CSMD3: variants seen among roughly 807,000 people sequenced by gnomAD.
The protein encoded by CSMD3 is CUB and Sushi multiple domains 3.
Under a neutral mutation model 435.2 loss-of-function variants are expected in CSMD3, and 177 were observed. The observed-to-expected ratio is 0.41, with a 90% CI of 0.36 to 0.46. CSMD3 has a LOEUF of 0.46. Ranked by LOEUF, CSMD3 falls within the 20% of genes least tolerant of loss-of-function variation. The probability of loss-of-function intolerance (pLI) is 0.34; values close to 1 mark genes in which losing one functional copy is unlikely to be tolerated. For missense variants in CSMD3, 4,265 were observed against 4,504.6 expected (o/e 0.95, Z 1.52); for synonymous variants, 1,656 against 1,520.5 (o/e 1.09, Z -2.07).
intron 1 of CSMD3, among the ~76,000 whole-genome samples, chr8:113,331,268 T>A (rs1329634069): frequency 6.6e-6 from 1 of 151,070 alleles, no homozygotes; most frequent in Non-Finnish European, 1.5e-5. Context: ...TGAATAGAAC[T>A]ACAATAAGAG....
chr8:112,368,927 T>C (rs1385973189), intron 38 of CSMD3, among the ~76,000 whole-genome samples: 2 of 152,212 alleles, frequency 1.3e-5, no homozygotes, highest in Non-Finnish European at 2.9e-5. Flanking sequence ...GCTTGACATA[T>C]ACTGAGTACT....
intron 7 of CSMD3, among the ~76,000 whole-genome samples, chr8:112,965,729 C>A (rs2084392481): frequency 6.6e-6 from 1 of 151,766 alleles, no homozygotes; most frequent in Admixed American, 6.6e-5. Context: ...GTGCATAAAC[C>A]CGTTAACAAG....
intron 30 of CSMD3, among the ~76,000 whole-genome samples, chr8:112,496,717 T>C (rs1288685690): frequency 6.6e-6 from 1 of 152,178 alleles, no homozygotes; most frequent in Non-Finnish European, 1.5e-5. Context: ...TGCATTTTCT[T>C]ACTTATTTGT....
At chr8:113,322,856 G>A (rs533572674) in intron 1 of CSMD3, among the ~76,000 whole-genome samples, 24 of 151,960 alleles carry the variant, frequency 1.6e-4, no homozygotes, top group Non-Finnish European at 2.5e-4. Context: ...AGCGATTGTC[G>A]TGTCTCAGCC....
At chr8:112,489,108 C>T (rs1820429250) in intron 31 of CSMD3, among the ~76,000 whole-genome samples, 2 of 152,042 alleles carry the variant, frequency 1.3e-5, no homozygotes. Context: ...ACTTTAAATA[C>T]TAAATTTGAC....
intron 12 of CSMD3, among the ~76,000 whole-genome samples, chr8:112,801,738 A>G (rs2132336908): frequency 6.6e-6 from 1 of 152,126 alleles, no homozygotes; most frequent in Non-Finnish European, 1.5e-5. Context: ...GTTTATGGGA[A>G]AGGGTAAACA....
chr8:113,338,511 T>C (rs920127476), intron 1 of CSMD3, among the ~76,000 whole-genome samples: 20 of 151,966 alleles, frequency 1.3e-4, no homozygotes, highest in Non-Finnish European at 2.4e-4. Flanking sequence ...AAACAAAATA[T>C]GGTATATTCA....
At chr8:112,380,832 T>G (rs777910357) in intron 37 of CSMD3, among the ~76,000 whole-genome samples, 9 of 152,188 alleles carry the variant, frequency 5.9e-5, no homozygotes, top group Non-Finnish European at 1.2e-4. Context: ...TAAAGTTATA[T>G]TCTGTTAGAA....
At chr8:113,158,239 A>T (rs1009865704) in intron 4 of CSMD3, among the ~76,000 whole-genome samples, 6 of 152,036 alleles carry the variant, frequency 3.9e-5, no homozygotes, top group Non-Finnish European at 5.9e-5. Context: ...AGCAGTCAGC[A>T]GAGTCCAGCA....
chr8:113,312,548 A>T (rs984294895), intron 2 of CSMD3: 3 of 152,226 alleles, frequency 2.0e-5, no homozygotes, highest in Non-Finnish European at 4.4e-5. Context: ...AAAAGCAGGA[A>T]AGAGGAAAAA....
At chr8:113,346,014 G>T (rs570967056) in intron 1 of CSMD3, among the ~76,000 whole-genome samples, 19 of 152,104 alleles carry the variant, frequency 1.2e-4, no homozygotes, top group Non-Finnish European at 2.6e-4. Flanking sequence ...ACAGTAACAA[G>T]TTCCCCTTAG....
chr8:113,081,891 A>C (rs2089579668), intron 5 of CSMD3, among the ~76,000 whole-genome samples: 1 of 152,044 alleles, frequency 6.6e-6, no homozygotes, highest in Non-Finnish European at 1.5e-5. Flanking sequence ...GCAAAGCAAA[A>C]ACTCCCCAGA....
chr8:112,504,970 A>T (rs1006918231), intron 29 of CSMD3, among the ~76,000 whole-genome samples: 1 of 152,168 alleles, frequency 6.6e-6, no homozygotes, highest in Non-Finnish European at 1.5e-5. Context: ...AAGTTTTATC[A>T]TATTTGCCTG....
rs137910464 is a variant in CSMD3, at chr8:112,327,912, A to T, written c.7165+7417T>A. On this transcript the variant is annotated intron_variant, in intron 45 of 70. Coordinates refer to ENST00000297405, the MANE Select transcript of CSMD3 (RefSeq NM_198123.2). ...TATTTTCTTTTCAATGAAACATCCA[A>T]CCCAATTCCAGAAAATAATGCTGCA... Among the ~76,000 whole-genome samples the T allele has an allele frequency of 2.7e-3, 417 of 152,282 alleles. 2 individuals carry two copies. Among genetic ancestry groups the T allele is most frequent in the Non-Finnish European group, 5.0e-3 (339 of 68,012 alleles).
intron 13 of CSMD3, among the ~76,000 whole-genome samples, chr8:112,787,645 T>A (rs1359254236): frequency 6.6e-6 from 1 of 152,078 alleles, no homozygotes; most frequent in Non-Finnish European, 1.5e-5. Flanking sequence ...ACAACATAGA[T>A]GGAACTGGAG....
chr8:112,315,980 G>A (rs1221272501), intron 47 of CSMD3, among the ~76,000 whole-genome samples: 1 of 151,550 alleles, frequency 6.6e-6, no homozygotes, highest in African/African-American at 2.4e-5. Flanking sequence ...TAGTGTTCAG[G>A]GTACAAAGAC....
chr8:112,270,359 T>TGTGTGTGTGTGTGTGTGTGTTAGGGGTGA (rs1554623000), intron 59 of CSMD3, among the ~76,000 whole-genome samples: 17,605 of 130,614 alleles, frequency 0.13, 1,460 homozygotes, highest in Admixed American at 0.19. Flanking sequence ...TGTGTGTGTG[T>TGTGTGTGTGTGTGTGTGTGTTAGGGGTGA]GTGTGTGTGT....
chr8:112,931,107 T>C (rs2083093037), intron 9 of CSMD3, among the ~76,000 whole-genome samples: 1 of 152,116 alleles, frequency 6.6e-6, no homozygotes, highest in Non-Finnish European at 1.5e-5. Context: ...CAATTAGCTT[T>C]TTATTAAAAT....
rs373486761 is a variant in CSMD3 at position 112,685,362 on chromosome 8, A to G, written c.2482+44T>C. The G allele has an allele frequency of 3.6e-5, 54 of 1,506,332 alleles. No individual in the cohort carries two copies. In the African/African-American group the frequency reaches 6.0e-4, roughly 17 times the overall value. The allele number at this position is 1,506,332 out of a possible 1,614,324, so 93.3% of individuals were successfully genotyped here. A position where few individuals can be genotyped will look rare whatever the true frequency, so the allele number is the denominator to read the frequency against. On this transcript the variant is annotated intron_variant, in intron 15 of 70. Transcript: ENST00000297405. ...CATGATCACTTTTCAACTCAAATTT[A>G]TAGAAATATATTATATGGGAAAAAA...
Sources: allele counts gnomAD v4.1 joint callset (sites outside exome capture counted in the v4.1 genomes callset), GRCh38; gene constraint gnomAD v4.1.1; transcripts MANE v1.5; gene names NCBI Gene and HGNC (gene_info 2026-07-23, HGNC 2026-07-21).